Variants in GRIA1 observed in about 807,000 individuals in gnomAD.
The protein encoded by GRIA1 is glutamate receptor 1.
A neutral mutation model predicts 99.2 loss-of-function variants in GRIA1; 31 were observed. The ratio of observed to expected loss-of-function variants is 0.31; its 90% CI spans 0.23 to 0.42. The LOEUF (loss-of-function observed/expected upper bound fraction) is 0.42. Among genes scored for constraint, GRIA1 ranks in the 10% least tolerant of loss-of-function variants. The probability of loss-of-function intolerance (pLI) is 1.00; values close to 1 mark genes in which losing one functional copy is unlikely to be tolerated. For missense variants in GRIA1, 782 were observed against 1,157.5 expected, an observed-to-expected ratio of 0.68 and a Z score of 4.71; for synonymous variants, 438 against 432.4, an observed-to-expected ratio of 1.01 and a Z score of -0.16.
intron 2 of GRIA1, among the ~76,000 whole-genome samples, chr5:153,628,299 T>C (rs1339840408): frequency 6.6e-6 from 1 of 152,206 alleles, no homozygotes. Context: ...TCTATTTGCC[T>C]GTGCTTGCTT....
At chr5:153,567,738 A>T (rs1761776296) in intron 2 of GRIA1, among the ~76,000 whole-genome samples, 1 of 152,206 alleles carries the variant, frequency 6.6e-6, no homozygotes. Flanking sequence ...GATAGATGGT[A>T]AATAAGTGCA....
At chr5:153,607,040 AAG>A (rs1291812313) in intron 2 of GRIA1, among the ~76,000 whole-genome samples, 3 of 68,958 alleles carry the variant, frequency 4.4e-5, no homozygotes, top group East Asian at 3.6e-4. Flanking sequence ...CATATCACAA[AAG>A]ATATATATAT....
chr5:153,655,478 A>G (rs1035169958), intron 4 of GRIA1, among the ~76,000 whole-genome samples: 1 of 152,188 alleles, frequency 6.6e-6, no homozygotes, highest in Admixed American at 6.5e-5. Context: ...TTTATGAAAG[A>G]AAGAACGCAG....
chr5:153,713,119 C>T (rs1054530654), intron 11 of GRIA1, among the ~76,000 whole-genome samples: 6 of 152,144 alleles, frequency 3.9e-5, no homozygotes, highest in African/African-American at 1.2e-4. Flanking sequence ...AACATGGAGC[C>T]CAGGGTCCGC....
At chr5:153,592,087 C>G (rs1282403825) in intron 2 of GRIA1, among the ~76,000 whole-genome samples, 2 of 152,152 alleles carry the variant, frequency 1.3e-5, no homozygotes, top group Non-Finnish European at 2.9e-5. Flanking sequence ...TAAAAGCACA[C>G]AGCATCCAGA....
intron 11 of GRIA1, among the ~76,000 whole-genome samples, chr5:153,718,750 C>T (rs1470591153): frequency 6.6e-6 from 1 of 152,164 alleles, no homozygotes; most frequent in Admixed American, 6.5e-5. Context: ...TTATTCCCTG[C>T]TAAGAGCTTT....
chr5:153,528,873 GC>G (rs984320182), intron 2 of GRIA1, among the ~76,000 whole-genome samples: 1 of 152,066 alleles, frequency 6.6e-6, no homozygotes, highest in Non-Finnish European at 1.5e-5. Context: ...TGACATCACT[GC>G]CCCCACTTGC....
chr5:153,684,701 T>C (rs972444157), intron 7 of GRIA1, among the ~76,000 whole-genome samples: 2 of 152,202 alleles, frequency 1.3e-5, no homozygotes, highest in African/African-American at 4.8e-5. Context: ...ACTGAGGTGA[T>C]AAGAAGGTGA....
rs370817743 is a variant in GRIA1 at position 153,694,501 on chromosome 5, T to C, written c.1135-3543T>C. On this transcript the variant is annotated intron_variant, in intron 8 of 15. Transcript: ENST00000285900. ...CTAGGCACTACCCTAATGAATATCATTTTTTAGCTTACTGACAATATGAAC... is the reference window on the plus strand; with the variant it reads ...CTAGGCACTACCCTAATGAATATCACTTTTTAGCTTACTGACAATATGAAC... Among the ~76,000 whole-genome samples, 76 of 152,356 alleles carry C rather than the reference T, an allele frequency of 5.0e-4. No homozygotes were observed. The South Asian group carries it at 0.015, about 30-fold the overall frequency.
chr5:153,492,385 C>G (rs1754007013), intron 1 of GRIA1: 1 of 1,341,890 alleles, frequency 7.5e-7, no homozygotes, highest in Non-Finnish European at 9.8e-7. Flanking sequence ...TGTAGCCCAG[C>G]CCGTAGCCTT....
At chr5:153,530,923 C>T (rs113303928) in intron 2 of GRIA1, among the ~76,000 whole-genome samples, 12 of 152,288 alleles carry the variant, frequency 7.9e-5, no homozygotes, top group South Asian at 4.1e-4. Flanking sequence ...GTAAGATAGA[C>T]GCAAGCTCTG....
At chr5:153,706,262 CTCTG>C in intron 11 of GRIA1, 195 bp downstream of exon 11, 1 of 603,576 alleles carries the variant, frequency 1.7e-6, no homozygotes, top group Non-Finnish European at 2.9e-6. Context: ...GCTGGGCCAT[CTCTG>C]TCTGCTCTCT....
At chr5:153,678,025 A>C (rs1561758289) in intron 7 of GRIA1, among the ~76,000 whole-genome samples, 1 of 152,220 alleles carries the variant, frequency 6.6e-6, no homozygotes, top group African/African-American at 2.4e-5. Context: ...CTTGCTGCAA[A>C]GGAATAACAA....
Position 153,532,932 on chromosome 5 carries a change from C to G in GRIA1, c.220+38867C>G, listed in dbSNP as rs141092584. 3.8e-3 allele frequency among the ~76,000 whole-genome samples: 572 copies of G among 152,312 alleles called. 4 individuals are homozygous for G. The highest frequency in any genetic ancestry group is 5.7e-3 in the Non-Finnish European group (391 of 68,040). Reference sequence around the variant, plus strand: ...CTGAGTCAAGAAATTTTTAAGAACACTTAGCCCAGGACCTAGAAGATTCTA... The same window carrying G: ...CTGAGTCAAGAAATTTTTAAGAACAGTTAGCCCAGGACCTAGAAGATTCTA... On this transcript the variant is annotated intron_variant, in intron 2 of 15. Transcript: ENST00000285900.
At chr5:153,785,033 T>C (rs951924798) in intron 13 of GRIA1, among the ~76,000 whole-genome samples, 4 of 152,102 alleles carry the variant, frequency 2.6e-5, no homozygotes, top group Non-Finnish European at 5.9e-5. Context: ...CAGAGAAGGT[T>C]TCTCTGTCAT....
intron 2 of GRIA1, among the ~76,000 whole-genome samples, chr5:153,646,649 G>A (rs930471483): frequency 6.6e-6 from 1 of 152,164 alleles, no homozygotes; most frequent in Admixed American, 6.5e-5. Context: ...GCTTCTAATA[G>A]ATATCTAATA....
At chr5:153,663,842 A>C (rs2149474020) in intron 5 of GRIA1, among the ~76,000 whole-genome samples, 1 of 152,346 alleles carries the variant, frequency 6.6e-6, no homozygotes, top group East Asian at 1.9e-4. Flanking sequence ...CTTAAGCTTA[A>C]GGAAGAGGCT....
intron 13 of GRIA1, among the ~76,000 whole-genome samples, chr5:153,775,086 T>C (rs1014241358): frequency 2.0e-5 from 3 of 152,226 alleles, no homozygotes; most frequent in African/African-American, 4.8e-5. Context: ...GGAAAGGCAA[T>C]TGGTAAATCC....
At chr5:153,776,403 C>G (rs190108734) in intron 13 of GRIA1, among the ~76,000 whole-genome samples, 1 of 152,226 alleles carries the variant, frequency 6.6e-6, no homozygotes, top group Non-Finnish European at 1.5e-5. Flanking sequence ...TGGAAAAATA[C>G]GGGATTTACC....
Sources: allele counts gnomAD v4.1 joint callset (sites outside exome capture counted in the v4.1 genomes callset), GRCh38; gene constraint gnomAD v4.1.1; transcripts MANE v1.5; gene names NCBI Gene and HGNC (gene_info 2026-07-23, HGNC 2026-07-21).